BICRA: variants seen among roughly 807,000 people sequenced by gnomAD.
BICRA encodes BRD4-interacting chromatin-remodeling complex-associated protein.
Under a neutral mutation model 96.9 loss-of-function variants are expected in BICRA, and 31 were observed. The ratio of observed to expected loss-of-function variants is 0.32; its 90% CI spans 0.24 to 0.43. The LOEUF (loss-of-function observed/expected upper bound fraction) is 0.43, where lower values mean the gene tolerates loss of function less well. BICRA is among the 20% of genes least tolerant of loss of function. The pLI, the probability that BICRA is intolerant of heterozygous loss-of-function variation, is 1.00. For synonymous variants in BICRA, 1,350 were observed against 1,071.8 expected (o/e 1.26, Z -5.07); for missense variants, 2,283 against 2,190.3 (o/e 1.04, Z -0.84).
intron 1 of BICRA, among the ~76,000 whole-genome samples, chr19:47,627,461 AAAAT>A (rs1319115821): frequency 6.6e-6 from 1 of 152,194 alleles, no homozygotes. Context: ...TAGGTGTTTC[AAAAT>A]TCAGGCCGTT....
Position 47,680,068 on chromosome 19 carries a change from A to T in BICRA, c.898A>T (p.Thr300Ser). 1 of 1,563,238 alleles carries T rather than the reference A, an allele frequency of 6.4e-7. No homozygotes were observed. The highest frequency in any genetic ancestry group is 8.6e-7 in the Non-Finnish European group (1 of 1,165,344). Residue 300 changes from threonine (T) to serine (S), a missense_variant, in exon 6 of 15, where the codon ACG becomes TCG. Thr to Ser is a moderately conservative substitution (Grantham distance 58, BLOSUM62 1). Transcript: ENST00000594866. ...QKNLSAAVATTLNGNSVFGGA... is the reference protein window; with the variant it reads ...QKNLSAAVATSLNGNSVFGGA... ...GAACCTCTCGGCCGCTGTGGCCACC[A>T]CGCTCAATGGGAACTCTGTGTTCGG... is the stretch of plus-strand genomic sequence containing the variant.
At chr19:47,614,644 CAAAA>C (rs1181603469) in intron 1 of BICRA, among the ~76,000 whole-genome samples, 1 of 152,172 alleles carries the variant, frequency 6.6e-6, no homozygotes, top group African/African-American at 2.4e-5. Flanking sequence ...AACAGACAAA[CAAAA>C]AACTATTCAT....
At chr19:47,647,886 A>G (rs1291028038) in intron 1 of BICRA, among the ~76,000 whole-genome samples, 1 of 129,592 alleles carries the variant, frequency 7.7e-6, no homozygotes, top group African/African-American at 3.0e-5. Context: ...TGGAGACCGT[A>G]GTTCGCGGGG....
Position 47,679,938 on chromosome 19 carries a change from G to A in BICRA, c.768G>A (p.Gln256=). 2 of 1,510,652 alleles carry A rather than the reference G, an allele frequency of 1.3e-6. No individual in the cohort carries two copies. Among genetic ancestry groups the A allele is most frequent in the Non-Finnish European group, 8.8e-7 (1 of 1,136,300 alleles). The allele number at this position is 1,510,652 out of a possible 1,614,324, so 93.6% of individuals were successfully genotyped here. The change falls in exon 6 of 15, where the codon CAG becomes CAA. Residue 256 remains glutamine (Q), a synonymous_variant. Transcript: ENST00000594866. ...CCACCTCCCAGCTCCTGGCCAAGCA[G>A]GTGCCCGTCAGCGGCTACCTGGCCT... ...NTPTSQLLAK[Q]VPVSGYLASA...
chr19:47,630,159 C>CTTTTT (rs778786532), intron 1 of BICRA, among the ~76,000 whole-genome samples: 5 of 103,430 alleles, frequency 4.8e-5, no homozygotes, highest in African/African-American at 1.1e-4. Context: ...TTGGCCAATT[C>CTTTTT]TTTTTTTTTT....
chr19:47,701,818 G>C lies in BICRA; in HGVS notation c.4086G>C (p.Thr1362=). The C allele has an allele frequency of 7.2e-6, 11 of 1,532,700 alleles. No individual in the cohort carries two copies. The highest frequency in any genetic ancestry group is 9.6e-6 in the Non-Finnish European group (11 of 1,143,014). The allele number at this position is 1,532,700 out of a possible 1,614,324, so 94.9% of individuals were successfully genotyped here. Residue 1362 remains threonine, a synonymous_variant, in exon 15 of 15, where the codon ACG becomes ACC. Coordinates refer to ENST00000594866, the MANE Select transcript of BICRA (RefSeq NM_001394372.1). This position sits in a 1 kb window ranked among gnomAD's most constrained non-coding sequence, Gnocchi z 5.4. The part of the protein sequence containing the change: ...PPPPTGQMNG[T]VDHPPPAAPE... ...CGCCCACGGGCCAGATGAACGGCAC[G>C]GTGGACCACCCGCCGCCTGCCGCCC...
At chr19:47,609,854 G>A (rs920140064) in intron 1 of BICRA, among the ~76,000 whole-genome samples, 5 of 151,892 alleles carry the variant, frequency 3.3e-5, no homozygotes, top group Non-Finnish European at 5.9e-5. Flanking sequence ...CCTTCGCACC[G>A]CCCCTAAACA....
At chr19:47,656,322 T>A (rs1972618380) in intron 1 of BICRA, among the ~76,000 whole-genome samples, 1 of 152,110 alleles carries the variant, frequency 6.6e-6, no homozygotes, top group Non-Finnish European at 1.5e-5. Context: ...GAAACTGCAT[T>A]CAGGCACAAG....
At position 47,695,474 on chromosome 19, in the gene BICRA, G is replaced by C; in HGVS notation, c.3186G>C (p.Gln1062His). 6.8e-7 allele frequency: 1 copy of C among 1,466,674 alleles called. No individual in the cohort carries two copies. The highest frequency in any genetic ancestry group is 9.4e-7 in the Non-Finnish European group (1 of 1,060,650). 90.9% of individuals were successfully genotyped at this position (1,466,674 alleles called of 1,614,324 possible). ...GGCCAGGGAAGCCCTCCGGGCTGCA[G>C]GTAAGGGGCCCTTAGAGCAGGGGTC... ...SSGPGKPSGL[Q>H]YESKLSGLKK... The change falls in exon 10 of 15, where the codon CAG (glutamine) becomes CAC (histidine). Residue 1062 changes from glutamine (Q) to histidine (H), a missense_variant and splice_region_variant. By Grantham distance (24) the Gln-to-His change is conservative. Coordinates refer to ENST00000594866, the MANE Select transcript of BICRA (RefSeq NM_001394372.1).
At chr19:47,685,582 C>T (rs1042673218) in intron 7 of BICRA, among the ~76,000 whole-genome samples, 9 of 152,094 alleles carry the variant, frequency 5.9e-5, no homozygotes, top group African/African-American at 1.2e-4. Context: ...GACTGGGAAC[C>T]GCTATCCTGT....
Position 47,685,782 on chromosome 19 carries a change from T to TGCGCGCGCGC in BICRA, c.2283+3631_2283+3632insCGCGCGCGCG, listed in dbSNP as rs1204894941. Among the ~76,000 whole-genome samples the TGCGCGCGCGC allele has an allele frequency of 1.1e-4, 14 of 124,840 alleles. No individual in the cohort carries two copies. The East Asian group carries it at 1.8e-3, about 16-fold the overall frequency. 81.9% of individuals were successfully genotyped at this position (124,840 alleles called of 152,430 possible). ...GTGTGTGTGTGTGTGTGTGTGTGTG[T>TGCGCGCGCGC]GTGTGCGCGCGCGCGCGCATGCGTA... On this transcript the variant is annotated intron_variant, in intron 7 of 14. Coordinates refer to ENST00000594866, the MANE Select transcript of BICRA (RefSeq NM_001394372.1).
At chr19:47,650,407 C>T (rs1972524113) in intron 1 of BICRA, among the ~76,000 whole-genome samples, 1 of 152,090 alleles carries the variant, frequency 6.6e-6, no homozygotes, top group East Asian at 1.9e-4. Context: ...CAGGGCTGAG[C>T]CACGGCACCT....
In BICRA at chr19:47,698,957, C is replaced by G. The variant is rs1277980827; in HGVS notation, c.3398-8C>G. On this transcript the variant is annotated splice_polypyrimidine_tract_variant and splice_region_variant and intron_variant, in intron 12 of 14. Transcript: ENST00000594866. The surrounding 1 kb of genome is among the most constrained non-coding windows in gnomAD (Gnocchi z 4.8). The stretch of plus-strand genomic sequence containing the variant: ...TCTCCGCCCTTGCCTCTCTTCCCTT[C>G]CTCGCAGTGGACGAGGAGTTTGAGA... The G allele has an allele frequency of 6.4e-7, 1 of 1,569,174 alleles. No individual in the cohort carries two copies. The highest frequency in any genetic ancestry group is 2.4e-5 in the East Asian group (1 of 42,278).
At chr19:47,685,785 GTGCGCGCGCGCGCGCA>G (rs1307884180) in intron 7 of BICRA, among the ~76,000 whole-genome samples, 2 of 128,676 alleles carry the variant, frequency 1.6e-5, no homozygotes, top group Admixed American at 1.6e-4. Flanking sequence ...GTGTGTGTGT[GTGCGCGCGCGCGCGCA>G]TGCGTACATT....
In BICRA at chr19:47,701,892, T is replaced by A; in HGVS notation, c.4160T>A (p.Leu1387Gln). ...GTAPHCPRLPLRKTYRENVGG... is the reference protein window; with the variant it reads ...GTAPHCPRLPQRKTYRENVGG... ...GCCCCGCACTGCCCGCGCCTGCCAC[T>A]GCGCAAGACCTACCGCGAGAACGTG... Residue 1387 changes from leucine (L) to glutamine (Q), a missense_variant, in exon 15 of 15, where the codon CTG (leucine) becomes CAG (glutamine). Leu to Gln is a moderately radical substitution (Grantham distance 113). Coordinates refer to ENST00000594866, the MANE Select transcript of BICRA (RefSeq NM_001394372.1). This position sits in a 1 kb window ranked among gnomAD's most constrained non-coding sequence, Gnocchi z 5.4. 2.1e-6 allele frequency: 3 copies of A among 1,448,312 alleles called. No individual in the cohort carries two copies. The highest frequency in any genetic ancestry group is 2.7e-6 in the Non-Finnish European group (3 of 1,108,358). The allele number at this position is 1,448,312 out of a possible 1,614,324, so 89.7% of individuals were successfully genotyped here.
At chr19:47,634,711 A>G (rs559805651) in intron 1 of BICRA, among the ~76,000 whole-genome samples, 81 of 151,118 alleles carry the variant, frequency 5.4e-4, no homozygotes, top group African/African-American at 1.9e-3. Context: ...CCTGGGCCAG[A>G]TACTTTGGTG....
chr19:47,701,066 T>C lies in BICRA; in HGVS notation c.3596-262T>C, dbSNP rs1010746781. 1.0e-5 allele frequency: 5 copies of C among 480,600 alleles called. No individual in the cohort carries two copies. The highest frequency in any genetic ancestry group is 1.0e-4 in the African/African-American group (5 of 49,938). The allele number at this position is 480,600 out of a possible 1,614,324, so 29.8% of individuals were successfully genotyped here. On this transcript the variant is annotated intron_variant, in intron 14 of 14. Coordinates refer to ENST00000594866, the MANE Select transcript of BICRA (RefSeq NM_001394372.1). This position sits in a 1 kb window ranked among gnomAD's most constrained non-coding sequence, Gnocchi z 5.4. ...GTGCTGGGATTACAGGCCTGAGCCTTGTTTTGTATTCTCTTAATTTACTTA... is the reference window on the plus strand; with the variant it reads ...GTGCTGGGATTACAGGCCTGAGCCTCGTTTTGTATTCTCTTAATTTACTTA...
intron 1 of BICRA, among the ~76,000 whole-genome samples, chr19:47,627,774 T>C (rs1972162048): frequency 1.3e-5 from 2 of 152,082 alleles, no homozygotes; most frequent in South Asian, 2.1e-4. Flanking sequence ...TTGTTTTGTT[T>C]TGTTTTGTTT....
At chr19:47,628,860 G>A (rs1368511684) in intron 1 of BICRA, among the ~76,000 whole-genome samples, 3 of 151,648 alleles carry the variant, frequency 2.0e-5, no homozygotes, top group South Asian at 2.1e-4. Context: ...CTCCTGCCTC[G>A]GCCTCCCAAA....
Sources: allele counts gnomAD v4.1 joint callset (sites outside exome capture counted in the v4.1 genomes callset), GRCh38; gene constraint gnomAD v4.1.1; non-coding constraint Gnocchi (gnomAD v3.1); transcripts MANE v1.5; gene names NCBI Gene and HGNC (gene_info 2026-07-23, HGNC 2026-07-21).